The following LRRIQ1 variants were observed in gnomAD, a reference collection of about 807,000 sequenced individuals.
LRRIQ1 encodes the protein leucine-rich repeat- and IQ domain-containing protein 1.
LRRIQ1 carries 210 observed loss-of-function variants against 211.9 expected under a neutral mutation model. That is an observed-to-expected ratio of 0.99 (90% CI 0.89 to 1.11). The LOEUF (loss-of-function observed/expected upper bound fraction) is 1.11, where lower values mean the gene tolerates loss of function less well. Ranked by LOEUF, LRRIQ1 falls within the 50% of genes most tolerant of loss-of-function variation. LRRIQ1 has a pLI of 0.00. For synonymous variants in LRRIQ1, 699 were observed against 650.1 expected, an observed-to-expected ratio of 1.08 and a Z score of -1.14; for missense variants, 2,136 against 1,939.5, an observed-to-expected ratio of 1.10 and a Z score of -1.90.
At chr12:85,142,571 T>C (rs954352225) in intron 19 of LRRIQ1, among the ~76,000 whole-genome samples, 2 of 151,476 alleles carry the variant, frequency 1.3e-5, no homozygotes, top group Non-Finnish European at 3.0e-5. Flanking sequence ...TCCTCCTCTC[T>C]AAGTGAAATT....
At chr12:85,154,235 AT>A (rs1438579526) in intron 23 of LRRIQ1, 141 bp downstream of exon 23, 1 of 397,642 alleles carries the variant, frequency 2.5e-6, no homozygotes, top group African/African-American at 2.2e-5. Flanking sequence ...CTGAAAAAAA[AT>A]AAAACTTAAG....
chr12:85,175,502 GT>G (rs1452841530), intron 24 of LRRIQ1, among the ~76,000 whole-genome samples: 15 of 152,074 alleles, frequency 9.9e-5, no homozygotes, highest in Non-Finnish European at 2.2e-4. Flanking sequence ...GCAAAGAAGG[GT>G]TTCTATATGG....
intron 1 of LRRIQ1, among the ~76,000 whole-genome samples, chr12:85,252,034 C>T (rs1895960361): frequency 6.6e-6 from 1 of 151,858 alleles, no homozygotes; most frequent in African/African-American, 2.4e-5. Flanking sequence ...TCAGCACAAT[C>T]AACTGAGAGG....
At chr12:85,121,239 T>A (rs1435719002) in intron 15 of LRRIQ1, among the ~76,000 whole-genome samples, 1 of 152,162 alleles carries the variant, frequency 6.6e-6, no homozygotes, top group Non-Finnish European at 1.5e-5. Context: ...CAGGGTAATA[T>A]CCTACCTCTT....
Position 85,055,783 on chromosome 12 carries a change from AAAG to A in LRRIQ1, c.991_993del (p.Lys331del). The A allele has an allele frequency of 6.2e-7, 1 of 1,604,700 alleles. No homozygotes were observed. The highest frequency in any genetic ancestry group is 2.2e-5 in the East Asian group (1 of 44,644). On this transcript the variant is annotated inframe_deletion, in exon 8 of 27. Transcript: ENST00000393217. ...AGGAAAAGGAAGCAAAAATACGACAAAAGGAGGAAGAAAATCGAAAAAGATTAG... is the reference window on the plus strand; with the variant it reads ...AGGAAAAGGAAGCAAAAATACGACAAGAGGAAGAAAATCGAAAAAGATTAG...
intron 14 of LRRIQ1, among the ~76,000 whole-genome samples, chr12:85,104,484 C>T (rs1013870796): frequency 2.0e-5 from 3 of 151,894 alleles, no homozygotes; most frequent in African/African-American, 7.2e-5. Flanking sequence ...CAGTCCACTC[C>T]TAGAGGCAGC....
intron 10 of LRRIQ1, among the ~76,000 whole-genome samples, chr12:85,070,116 A>T (rs1410676764): frequency 6.6e-6 from 1 of 151,962 alleles, no homozygotes; most frequent in Admixed American, 6.6e-5. Flanking sequence ...CTATAAATTG[A>T]AGTTAGTTAA....
intron 23 of LRRIQ1, among the ~76,000 whole-genome samples, chr12:85,156,579 C>T (rs1230261391): frequency 6.6e-6 from 1 of 151,752 alleles, no homozygotes; most frequent in African/African-American, 2.4e-5. Context: ...ATACCATTAA[C>T]TTACTTGCAT....
intron 7 of LRRIQ1, 109 bp from the exon 8 acceptor site, chr12:85,055,438 A>T: frequency 1.1e-6 from 1 of 881,360 alleles, no homozygotes; most frequent in South Asian, 4.1e-5. Context: ...TAGAAACTTT[A>T]TTAAGACTTC....
At position 85,152,373 on chromosome 12, in the gene LRRIQ1, A is replaced by G. The variant is rs1037170896; in HGVS notation, c.4419+4A>G. On this transcript the variant is annotated splice_donor_region_variant and intron_variant, in intron 20 of 26. Coordinates refer to ENST00000393217, the MANE Select transcript of LRRIQ1 (RefSeq NM_001079910.2). ...AAACCAGCTGCATTGGCCAAAGGTAACATGTCATGGAAACTTCTGAGTCCT... is the reference window on the plus strand; with the variant it reads ...AAACCAGCTGCATTGGCCAAAGGTAGCATGTCATGGAAACTTCTGAGTCCT... The G allele has an allele frequency of 6.2e-7, 1 of 1,608,232 alleles. No homozygotes were observed. The highest frequency in any genetic ancestry group is 8.5e-7 in the Non-Finnish European group (1 of 1,176,358).
At chr12:85,067,117 T>A (rs984382988) in intron 10 of LRRIQ1, among the ~76,000 whole-genome samples, 12 of 151,924 alleles carry the variant, frequency 7.9e-5, no homozygotes, top group African/African-American at 2.4e-4. Context: ...GCAGTTAGTA[T>A]ATTTACTTCT....
intron 24 of LRRIQ1, among the ~76,000 whole-genome samples, chr12:85,188,757 C>T (rs1003250394): frequency 1.3e-5 from 2 of 152,134 alleles, no homozygotes; most frequent in African/African-American, 4.8e-5. Flanking sequence ...TCCTGCACAG[C>T]AGAGGCCCTT....
intron 16 of LRRIQ1, among the ~76,000 whole-genome samples, 169 bp from the exon 17 acceptor site, chr12:85,123,901 A>G (rs777471735): frequency 6.6e-5 from 10 of 152,176 alleles, no homozygotes; most frequent in Non-Finnish European, 1.5e-5. Flanking sequence ...AAATTTTGTT[A>G]TAAACGAGAT....
intron 18 of LRRIQ1, among the ~76,000 whole-genome samples, chr12:85,128,940 G>A (rs1157845881): frequency 6.6e-6 from 1 of 152,118 alleles, no homozygotes; most frequent in East Asian, 1.9e-4. Context: ...AGTGTTGACT[G>A]GGGCCTTAGA....
chr12:85,102,620 G>T (rs1270043164), intron 13 of LRRIQ1, among the ~76,000 whole-genome samples: 13 of 151,472 alleles, frequency 8.6e-5, no homozygotes, highest in African/African-American at 3.1e-4. Flanking sequence ...CAATACAAGG[G>T]TTAATCTTCT....
At chr12:85,168,211 G>T (rs1891244586) in intron 24 of LRRIQ1, among the ~76,000 whole-genome samples, 1 of 152,082 alleles carries the variant, frequency 6.6e-6, no homozygotes, top group Non-Finnish European at 1.5e-5. Flanking sequence ...TCCTGAAGGG[G>T]CTGGGCCATT....
intron 19 of LRRIQ1, among the ~76,000 whole-genome samples, chr12:85,145,993 CA>C (rs924576913): frequency 1.3e-5 from 2 of 151,652 alleles, no homozygotes; most frequent in Non-Finnish European, 3.0e-5. Context: ...AATAATCTGA[CA>C]GGGGCTGGGA....
At chr12:85,224,029 C>G (rs181430543) in intron 24 of LRRIQ1, among the ~76,000 whole-genome samples, 62 of 151,836 alleles carry the variant, frequency 4.1e-4, no homozygotes, top group Non-Finnish European at 8.7e-4. Flanking sequence ...CCTTTTAAAA[C>G]CATTTGACAA....
intron 24 of LRRIQ1, among the ~76,000 whole-genome samples, chr12:85,174,409 A>G (rs1161194834): frequency 6.6e-6 from 1 of 151,890 alleles, no homozygotes; most frequent in Non-Finnish European, 1.5e-5. Context: ...ATAATCAGAG[A>G]TCCAGGCCCG....
Sources: allele counts gnomAD v4.1 joint callset (sites outside exome capture counted in the v4.1 genomes callset), GRCh38; gene constraint gnomAD v4.1.1; transcripts MANE v1.5; gene names NCBI Gene and HGNC (gene_info 2026-07-23, HGNC 2026-07-21).